The following NUP107 variants were observed in gnomAD, a reference collection of about 807,000 sequenced individuals.
NUP107 encodes the protein nuclear pore complex protein Nup107.
NUP107 carries 101 observed loss-of-function variants against 141.0 expected under a neutral mutation model. The observed-to-expected ratio is 0.72, with a 90% CI of 0.61 to 0.84. The LOEUF (loss-of-function observed/expected upper bound fraction) is 0.84, where lower values mean the gene tolerates loss of function less well. Among genes scored for constraint, NUP107 ranks in the 40% least tolerant of loss-of-function variants. The pLI, the probability that NUP107 is intolerant of heterozygous loss-of-function variation, is 0.00. For missense variants in NUP107, 941 were observed against 1,102.7 expected, an observed-to-expected ratio of 0.85 and a Z score of 2.08; for synonymous variants, 319 against 363.9, an observed-to-expected ratio of 0.88 and a Z score of 1.41.
intron 5 of NUP107, among the ~76,000 whole-genome samples, chr12:68,696,009 T>TAA (rs902805156): frequency 7.2e-6 from 1 of 138,612 alleles, no homozygotes; most frequent in African/African-American, 2.7e-5. Flanking sequence ...CCCCCTCTCT[T>TAA]AAAAAAAAAA....
intron 7 of NUP107, among the ~76,000 whole-genome samples, chr12:68,701,436 CT>C (rs1340426181): frequency 6.6e-6 from 1 of 152,178 alleles, no homozygotes; most frequent in African/African-American, 2.4e-5. Flanking sequence ...AATCCCAGTA[CT>C]TTGGGAGGCC....
chr12:68,692,163 G>A (rs569255862), intron 5 of NUP107, 51 bp downstream of exon 5: 2 of 1,473,102 alleles, frequency 1.4e-6, no homozygotes, highest in Admixed American at 4.9e-5. Flanking sequence ...TTAGCAAGAT[G>A]AAGGAAACCA....
intron 22 of NUP107, among the ~76,000 whole-genome samples, chr12:68,732,198 C>T (rs1877859297): frequency 6.6e-6 from 1 of 152,152 alleles, no homozygotes; most frequent in Admixed American, 6.5e-5. Context: ...AGTGCAGTGG[C>T]GCTATCTCTG....
chr12:68,719,686 T>A, intron 14 of NUP107, 32 bp downstream of exon 14: 2 of 1,435,312 alleles, frequency 1.4e-6, no homozygotes, highest in Non-Finnish European at 2.0e-6. Flanking sequence ...GTGATACTGT[T>A]TTTAACTCCA....
chr12:68,739,417 T>C (rs985885211), intron 26 of NUP107, among the ~76,000 whole-genome samples: 3 of 152,258 alleles, frequency 2.0e-5, no homozygotes, highest in African/African-American at 7.2e-5. Context: ...TCAGTGGTAC[T>C]TAGTAAATGA....
chr12:68,723,772 T>C (rs1157333876), intron 17 of NUP107, among the ~76,000 whole-genome samples: 1 of 152,240 alleles, frequency 6.6e-6, no homozygotes, highest in Non-Finnish European at 1.5e-5. Flanking sequence ...GCTGTTCTAC[T>C]CACATTTTCT....
At chr12:68,732,559 A>T in intron 22 of NUP107, 78 bp from the exon 23 acceptor site, 1 of 753,582 alleles carries the variant, frequency 1.3e-6, no homozygotes, top group Non-Finnish European at 2.1e-6. Flanking sequence ...GGTGTAAGTT[A>T]ATTCTACTAA....
At chr12:68,712,449 A>G (rs1876904569) in intron 10 of NUP107, among the ~76,000 whole-genome samples, 1 of 144,944 alleles carries the variant, frequency 6.9e-6, no homozygotes, top group Non-Finnish European at 1.5e-5. Flanking sequence ...AAAAAGTCAG[A>G]TTGCCAGATT....
chr12:68,742,304 A>G, intron 27 of NUP107, 51 bp from the exon 28 acceptor site: 2 of 1,171,988 alleles, frequency 1.7e-6, no homozygotes, highest in African/African-American at 1.5e-5. Context: ...CTAAGTTCAT[A>G]CTTGTCTACT....
intron 27 of NUP107, 35 bp from the exon 28 acceptor site, chr12:68,742,320 T>C (rs757278497): frequency 5.5e-5 from 75 of 1,351,456 alleles, no homozygotes; most frequent in Non-Finnish European, 7.4e-5. Flanking sequence ...CTACTTGTCT[T>C]TGTTCTCATT....
rs192096270 is a variant in NUP107 at position 68,721,273 on chromosome 12, G to A, written c.1311+96G>A. On this transcript the variant is annotated intron_variant, in intron 15 of 27. Coordinates refer to ENST00000229179, the MANE Select transcript of NUP107 (RefSeq NM_020401.4). ...ATATAACAAATATAAACTTAAGTTT[G>A]TATACTTAAGTATATACATACTTAA... is the stretch of plus-strand genomic sequence containing the variant. 2.3e-3 allele frequency: 1,688 copies of A among 724,952 alleles called. 40 individuals are homozygous for A. In the Admixed American group the frequency reaches 0.038, roughly 16 times the overall value. 44.9% of individuals were successfully genotyped at this position (724,952 alleles called of 1,614,324 possible). A position where few individuals can be genotyped will look rare whatever the true frequency, so the allele number is the denominator to read the frequency against.
intron 10 of NUP107, among the ~76,000 whole-genome samples, chr12:68,711,592 A>G (rs1041734073): frequency 1.6e-4 from 25 of 152,054 alleles, no homozygotes; most frequent in African/African-American, 5.1e-4. Flanking sequence ...GTCCTACTTT[A>G]AATTGAAGAG....
chr12:68,709,327 A>C lies in NUP107; in HGVS notation c.801+18A>C, dbSNP rs750054111. On this transcript the variant is annotated intron_variant, in intron 9 of 27. Coordinates refer to ENST00000229179, the MANE Select transcript of NUP107 (RefSeq NM_020401.4). ...AAAGTCAGGTATGACTAGAATTTAAAATTTTTTTTTATGAAACATGGAGAA... is the reference window on the plus strand; with the variant it reads ...AAAGTCAGGTATGACTAGAATTTAACATTTTTTTTTATGAAACATGGAGAA... 9 of 1,519,712 alleles carry C rather than the reference A, an allele frequency of 5.9e-6. No homozygotes were observed. The highest frequency in any genetic ancestry group is 8.1e-6 in the Non-Finnish European group (9 of 1,117,696). 94.1% of individuals were successfully genotyped at this position (1,519,712 alleles called of 1,614,324 possible).
intron 12 of NUP107, among the ~76,000 whole-genome samples, chr12:68,717,153 C>T (rs1877149604): frequency 6.6e-6 from 1 of 152,158 alleles, no homozygotes; most frequent in Admixed American, 6.5e-5. Context: ...CTACCTCAGC[C>T]TCCCAAAGTG....
chr12:68,690,439 C>T, intron 3 of NUP107, 192 bp from the exon 4 acceptor site: 5 of 705,896 alleles, frequency 7.1e-6, no homozygotes, highest in Admixed American at 2.9e-5. Context: ...TCAGTAGTAC[C>T]TACAGCTCAA....
At chr12:68,736,674 C>G (rs1878079847) in intron 26 of NUP107, among the ~76,000 whole-genome samples, 1 of 150,364 alleles carries the variant, frequency 6.7e-6, no homozygotes, top group South Asian at 2.1e-4. Context: ...ACCTTGGCCT[C>G]CTGAAGTGCT....
intron 5 of NUP107, 135 bp from the exon 6 acceptor site, chr12:68,696,684 C>T (rs1876073285): frequency 1.8e-6 from 1 of 554,850 alleles, no homozygotes; most frequent in South Asian, 2.5e-5. Flanking sequence ...TTGCACTCCA[C>T]CCTGGACAAC....
intron 26 of NUP107, among the ~76,000 whole-genome samples, chr12:68,737,684 A>T (rs1302420610): frequency 6.6e-6 from 1 of 152,142 alleles, no homozygotes; most frequent in Non-Finnish European, 1.5e-5. Context: ...CTTCAGTCTC[A>T]ATTATTTCTT....
At chr12:68,692,544 A>C (rs929280603) in intron 5 of NUP107, among the ~76,000 whole-genome samples, 1 of 150,456 alleles carries the variant, frequency 6.6e-6, no homozygotes, top group Non-Finnish European at 1.5e-5. Flanking sequence ...GCACCATTGC[A>C]CTCCAGCCTG....
Sources: allele counts gnomAD v4.1 joint callset (sites outside exome capture counted in the v4.1 genomes callset), GRCh38; gene constraint gnomAD v4.1.1; transcripts MANE v1.5; gene names NCBI Gene and HGNC (gene_info 2026-07-23, HGNC 2026-07-21).